AGPS: variants seen among roughly 807,000 people sequenced by gnomAD.
AGPS encodes the protein alkyldihydroxyacetonephosphate synthase, peroxisomal.
A neutral mutation model predicts 90.7 loss-of-function variants in AGPS; 26 were observed. The observed-to-expected ratio is 0.29, with a 90% CI of 0.21 to 0.40. AGPS has a LOEUF of 0.40. Among genes scored for constraint, AGPS ranks in the 10% least tolerant of loss-of-function variants. The pLI is 1.00. For missense variants in AGPS, 540 were observed against 816.1 expected, an observed-to-expected ratio of 0.66 and a Z score of 4.12; for synonymous variants, 294 against 285.3, an observed-to-expected ratio of 1.03 and a Z score of -0.31.
chr2:177,393,512 A>G (rs1685084773), intron 1 of AGPS: 7 of 985,362 alleles, frequency 7.1e-6, no homozygotes, highest in Non-Finnish European at 8.4e-6. Context: ...TGCCCTGGAA[A>G]AAGGTGCTGA....
chr2:177,437,640 A>C (rs374120405), intron 5 of AGPS, among the ~76,000 whole-genome samples: 5 of 152,190 alleles, frequency 3.3e-5, no homozygotes, highest in African/African-American at 1.2e-4. Flanking sequence ...CTCTTTTAGC[A>C]GGTAATTTAA....
chr2:177,536,361 C>T (rs963056232), intron 19 of AGPS, among the ~76,000 whole-genome samples: 1 of 151,602 alleles, frequency 6.6e-6, no homozygotes, highest in African/African-American at 2.4e-5. Context: ...GTGTGGGCAG[C>T]TTATAGTAGT....
rs1203139588 is a variant in AGPS, at chr2:177,497,744, A to T, written c.1341A>T (p.Leu447Phe). 6.4e-7 allele frequency: 1 copy of T among 1,566,744 alleles called. No individual in the cohort carries two copies. The highest frequency in any genetic ancestry group is 2.3e-5 in the East Asian group (1 of 44,200). ...SSIFTSFLDG[L>F]KKFYITKFKG... is the part of the protein sequence containing the mutation. The stretch of plus-strand genomic sequence containing the variant: ...TTTTTACATCATTTTTGGACGGATT[A>T]AAAAAGTTTTATATTACAAAGGTAA... Residue 447 changes from leucine (L) to phenylalanine (F), a missense_variant, in exon 13 of 20, where the codon TTA (leucine) becomes TTT (phenylalanine). By Grantham distance (22) the Leu-to-Phe change is conservative. Coordinates refer to ENST00000264167, the MANE Select transcript of AGPS (RefSeq NM_003659.4).
rs375522507 is a variant in AGPS at position 177,469,049 on chromosome 2, G to T, written c.1105+525G>T. Among the ~76,000 whole-genome samples, 4 of 152,094 alleles carry T rather than the reference G, an allele frequency of 2.6e-5. No homozygotes were observed. In the East Asian group the frequency reaches 7.7e-4, roughly 29 times the overall value. On this transcript the variant is annotated intron_variant, in intron 10 of 19. Transcript: ENST00000264167. ...TTTCTTGGTTACTTAATGCTGGGTG[G>T]ATTTGAATGTAGTTCATCTCGTCTA... is the stretch of plus-strand genomic sequence containing the variant.
chr2:177,414,313 C>T (rs1685723082), intron 1 of AGPS, among the ~76,000 whole-genome samples: 1 of 151,992 alleles, frequency 6.6e-6, no homozygotes, highest in South Asian at 2.1e-4. Flanking sequence ...CTCAAGGGAT[C>T]CTTCTGCCTT....
chr2:177,445,473 A>C, intron 7 of AGPS, 73 bp from the exon 8 acceptor site: 1 of 1,317,978 alleles, frequency 7.6e-7, no homozygotes, highest in East Asian at 2.4e-5. Context: ...GTTGCTTTGA[A>C]TTAGGAAGTT....
chr2:177,533,438 C>G (rs1478282109), intron 19 of AGPS, among the ~76,000 whole-genome samples: 1 of 152,014 alleles, frequency 6.6e-6, no homozygotes, highest in Non-Finnish European at 1.5e-5. Flanking sequence ...GACAAAAGGG[C>G]CAGGGACAAC....
intron 1 of AGPS, among the ~76,000 whole-genome samples, chr2:177,408,458 A>G (rs917423339): frequency 1.3e-5 from 2 of 152,198 alleles, no homozygotes; most frequent in Non-Finnish European, 2.9e-5. Flanking sequence ...ACTTCCTAAA[A>G]TTTGCATCAG....
chr2:177,443,035 G>T (rs1442299636), intron 7 of AGPS, among the ~76,000 whole-genome samples: 3 of 151,592 alleles, frequency 2.0e-5, no homozygotes, highest in Non-Finnish European at 4.4e-5. Flanking sequence ...AGATGAAGTC[G>T]TTATTAACAT....
chr2:177,513,978 T>C (rs1688954286), intron 17 of AGPS, 70 bp downstream of exon 17: 10 of 1,179,764 alleles, frequency 8.5e-6, no homozygotes, highest in Middle Eastern at 2.3e-4. Context: ...AGGGGGGGAA[T>C]ATAATTTTCC....
rs1287816421 is a variant in AGPS, at chr2:177,420,271, A to T, written c.263A>T (p.Gln88Leu). The T allele has an allele frequency of 1.9e-6, 3 of 1,600,424 alleles. No homozygotes were observed. The highest frequency in any genetic ancestry group is 2.6e-6 in the Non-Finnish European group (3 of 1,168,364). Residue 88 changes from glutamine to leucine, a missense_variant and splice_region_variant, in exon 2 of 20, where the codon CAA becomes CTA. This residue lies in a region of AGPS where 405 missense variants were observed against 692.1 expected (regional missense o/e 0.59). Transcript: ENST00000264167. ...TATATATATTTTCTTCTCACTAGGC[A>T]AGAAGTTATGAAATGGAATGGATGG... ...QESGTIPKKR[Q>L]EVMKWNGWGY...
At chr2:177,453,595 A>T (rs1486190447) in intron 8 of AGPS, among the ~76,000 whole-genome samples, 1 of 151,446 alleles carries the variant, frequency 6.6e-6, no homozygotes, top group Non-Finnish European at 1.5e-5. Flanking sequence ...ACGACACTTA[A>T]CTTAAATACA....
rs776353577 is a variant in AGPS, at chr2:177,543,435, T to C, written c.*5240T>C. ...TACTTTGGCTCTGATACAACTTAAC[T>C]TGAATAATATCTTATCCTGAGTCTT... On this transcript the variant is annotated 3_prime_UTR_variant, in exon 20 of 20. Coordinates refer to ENST00000264167, the MANE Select transcript of AGPS (RefSeq NM_003659.4). 9 of 152,234 alleles carry C rather than the reference T, an allele frequency of 5.9e-5. No homozygotes were observed. The highest frequency in any genetic ancestry group is 2.0e-4 in the Admixed American group (3 of 15,288). 9.4% of individuals were successfully genotyped at this position (152,234 alleles called of 1,614,324 possible). A position where few individuals can be genotyped will look rare whatever the true frequency, so the allele number is the denominator to read the frequency against.
chr2:177,485,585 G>A (rs1404453679), intron 11 of AGPS, among the ~76,000 whole-genome samples: 1 of 151,948 alleles, frequency 6.6e-6, no homozygotes. Context: ...AAATTCTTAG[G>A]ATGTTCACCC....
intron 10 of AGPS, among the ~76,000 whole-genome samples, chr2:177,478,473 C>A (rs1188001667): frequency 6.6e-6 from 1 of 151,960 alleles, no homozygotes; most frequent in Non-Finnish European, 1.5e-5. Context: ...TCCAGTACTC[C>A]CATTACACGT....
chr2:177,454,037 G>A (rs1054868353), intron 8 of AGPS, among the ~76,000 whole-genome samples: 8 of 133,800 alleles, frequency 6.0e-5, no homozygotes, highest in Non-Finnish European at 1.2e-4. Flanking sequence ...TGAGCAATTT[G>A]ATTGTCATGG....
At chr2:177,459,601 A>G (rs1418224249) in intron 8 of AGPS, among the ~76,000 whole-genome samples, 3 of 152,240 alleles carry the variant, frequency 2.0e-5, no homozygotes, top group African/African-American at 7.2e-5. Context: ...CGAAATGCAA[A>G]TCAAAACCAC....
intron 16 of AGPS, among the ~76,000 whole-genome samples, chr2:177,508,723 T>A (rs1688781218): frequency 6.6e-6 from 1 of 152,136 alleles, no homozygotes; most frequent in South Asian, 2.1e-4. Flanking sequence ...ATAAAAAAAA[T>A]CCTCAAAGAG....
intron 11 of AGPS, among the ~76,000 whole-genome samples, chr2:177,489,866 C>T (rs1391086476): frequency 6.6e-6 from 1 of 152,078 alleles, no homozygotes; most frequent in African/African-American, 2.4e-5. Context: ...TAAAAATATT[C>T]CCTCTCAGGT....
Sources: allele counts gnomAD v4.1 joint callset (sites outside exome capture counted in the v4.1 genomes callset), GRCh38; gene constraint gnomAD v4.1.1; regional missense constraint gnomAD v4.1.1; transcripts MANE v1.5; gene names NCBI Gene and HGNC (gene_info 2026-07-23, HGNC 2026-07-21).